SEMA4B: variants seen among roughly 807,000 people sequenced by gnomAD.
SEMA4B encodes the protein semaphorin-4B.
In SEMA4B, 55 loss-of-function variants were observed where a neutral mutation model predicts 88.1. The observed-to-expected ratio is 0.62, with a 90% CI of 0.50 to 0.78. SEMA4B has a LOEUF of 0.78. Ranked by LOEUF, SEMA4B falls within the 30% of genes least tolerant of loss-of-function variation. The pLI is 0.00. For synonymous variants in SEMA4B, 525 were observed against 473.6 expected (o/e 1.11, Z -1.41); for missense variants, 1,062 against 1,111.9 (o/e 0.96, Z 0.64).
intron 1 of SEMA4B, among the ~76,000 whole-genome samples, chr15:90,192,586 C>CTTTTTTTTTTT (rs67328606): frequency 2.3e-5 from 2 of 88,668 alleles, no homozygotes; most frequent in African/African-American, 9.2e-5. Flanking sequence ...TCCCTTGTAG[C>CTTTTTTTTTTT]TTTTTTTTTT....
rs570266196 is a variant in SEMA4B, at chr15:90,201,548, G to A, written c.-31G>A. 40 of 1,429,694 alleles carry A rather than the reference G, an allele frequency of 2.8e-5. No homozygotes were observed. In the African/African-American group the frequency reaches 5.9e-4, roughly 21 times the overall value. The allele number at this position is 1,429,694 out of a possible 1,614,324, so 88.6% of individuals were successfully genotyped here. ...GTCCGGCCGAGCCACCTGAGCCCGAGCCGCGGGACACCGTCGCTCCTGCTC... is the reference window on the plus strand; with the variant it reads ...GTCCGGCCGAGCCACCTGAGCCCGAACCGCGGGACACCGTCGCTCCTGCTC... On this transcript the variant is annotated 5_prime_UTR_variant, in exon 1 of 14. Transcript: ENST00000411539.
At chr15:90,195,943 C>T (rs1477421466) in intron 1 of SEMA4B, among the ~76,000 whole-genome samples, 5 of 46,470 alleles carry the variant, frequency 1.1e-4, no homozygotes, top group Middle Eastern at 0.015. Context: ...TTTTTCGAGA[C>T]GGAGTCTCGC....
At chr15:90,214,919 C>T (rs10083685) in intron 1 of SEMA4B, 87,710 of 1,190,884 alleles carry the variant, frequency 0.074, 3,688 homozygotes, top group South Asian at 0.096. Flanking sequence ...CATGTCTCCC[C>T]ACCCTTTATG....
rs757476598 is a variant in SEMA4B at position 90,219,788 on chromosome 15, C to G, written c.385-5C>G. On this transcript the variant is annotated splice_polypyrimidine_tract_variant and splice_region_variant and intron_variant, in intron 3 of 13. Coordinates refer to ENST00000411539, the MANE Select transcript of SEMA4B (RefSeq NM_198925.4). The stretch of plus-strand genomic sequence containing the variant: ...GACTGATATCCCCTCGCTCCTTCCC[C>G]CCAGCGCGACTGTCAAAACTACATC... 1.2e-6 allele frequency: 2 copies of G among 1,611,832 alleles called. No homozygotes were observed. Among genetic ancestry groups the G allele is most frequent in the African/African-American group, 2.7e-5 (2 of 74,888 alleles).
At chr15:90,186,667 G>A (rs1188630351) in intron 1 of SEMA4B, among the ~76,000 whole-genome samples, 1 of 152,084 alleles carries the variant, frequency 6.6e-6, no homozygotes, top group Non-Finnish European at 1.5e-5. Context: ...GCCAGGCACG[G>A]TGGCTCACGC....
chr15:90,212,708 G>C lies in SEMA4B; in HGVS notation c.158-4731G>C, dbSNP rs1357732469. Reference sequence around the variant, plus strand: ...GCAGGGTCCTTCACAGACGTCTGCAGTCACTCTGGAGGTGACCCAAGCACC... The same window carrying C: ...GCAGGGTCCTTCACAGACGTCTGCACTCACTCTGGAGGTGACCCAAGCACC... On this transcript the variant is annotated intron_variant, in intron 1 of 13. Coordinates refer to ENST00000411539, the MANE Select transcript of SEMA4B (RefSeq NM_198925.4). The surrounding 1 kb of genome is among the most constrained non-coding windows in gnomAD (Gnocchi z 4.0). Among the ~76,000 whole-genome samples the C allele has an allele frequency of 1.3e-5, 2 of 152,116 alleles. No individual in the cohort carries two copies. Among genetic ancestry groups the C allele is most frequent in the Non-Finnish European group, 2.9e-5 (2 of 68,026 alleles).
rs1317076455 is a variant in SEMA4B at position 90,228,745 on chromosome 15, C to T, written c.*102C>T. 32 of 1,482,700 alleles carry T rather than the reference C, an allele frequency of 2.2e-5. 1 individual carries two copies. The highest frequency in any genetic ancestry group is 5.7e-5 in the Admixed American group (3 of 52,706). The allele number at this position is 1,482,700 out of a possible 1,614,324, so 91.8% of individuals were successfully genotyped here. A position where few individuals can be genotyped will look rare whatever the true frequency, so the allele number is the denominator to read the frequency against. ...CGCTCTGCTCTTCGTGGAACACGAC[C>T]GTGGTGCCCGGCCCTTGGGAGCCTT... is the stretch of plus-strand genomic sequence containing the variant. On this transcript the variant is annotated 3_prime_UTR_variant, in exon 14 of 14. Coordinates refer to ENST00000411539, the MANE Select transcript of SEMA4B (RefSeq NM_198925.4).
intron 1 of SEMA4B, among the ~76,000 whole-genome samples, chr15:90,208,752 C>CTT (rs66461937): frequency 0.1 from 14,430 of 144,088 alleles, 972 homozygotes; most frequent in Admixed American, 0.18. Context: ...TTTTCTTTTT[C>CTT]TTTTTTTTTT....
intron 1 of SEMA4B, among the ~76,000 whole-genome samples, chr15:90,196,319 T>C (rs1329919670): frequency 1.3e-5 from 2 of 152,094 alleles, no homozygotes; most frequent in Non-Finnish European, 2.9e-5. Flanking sequence ...TTGGTTAAGA[T>C]TGAGGCCCCG....
In SEMA4B at chr15:90,201,504, G is replaced by A. The variant is rs1237838318; in HGVS notation, c.-75G>A. 5.3e-6 allele frequency: 7 copies of A among 1,318,900 alleles called. No individual in the cohort carries two copies. The highest frequency in any genetic ancestry group is 4.2e-5 in the Admixed American group (1 of 23,948). 81.7% of individuals were successfully genotyped at this position (1,318,900 alleles called of 1,614,324 possible). A position where few individuals can be genotyped will look rare whatever the true frequency, so the allele number is the denominator to read the frequency against. ...GGGCGACTCGGGGGCGGACCGCGGG[G>A]CGGAGCTGCCGCCCGTGAGTCCGGC... On this transcript the variant is annotated 5_prime_UTR_variant, in exon 1 of 14. Transcript: ENST00000411539.
At chr15:90,190,278 G>T (rs553362899) in intron 1 of SEMA4B, 1 of 152,434 alleles carries the variant, frequency 6.6e-6, no homozygotes, top group Admixed American at 6.5e-5. Flanking sequence ...ACTGCCACAG[G>T]TGGTGCATTC....
In SEMA4B at chr15:90,229,459, T is replaced by C. The variant is rs1962393080; in HGVS notation, c.*816T>C. On this transcript the variant is annotated 3_prime_UTR_variant, in exon 14 of 14. Transcript: ENST00000411539. ...CACCATATCCACCCTCGCTCCATCT[T>C]TGAACTCAAACACGAGGAACTAACT... 2 of 453,356 alleles carry C rather than the reference T, an allele frequency of 4.4e-6. No individual in the cohort carries two copies. Among genetic ancestry groups the C allele is most frequent in the South Asian group, 3.1e-5 (2 of 64,066 alleles). 28.1% of individuals were successfully genotyped at this position (453,356 alleles called of 1,614,324 possible).
chr15:90,213,600 G>T (rs1301330091), intron 1 of SEMA4B, among the ~76,000 whole-genome samples: 2 of 152,248 alleles, frequency 1.3e-5, no homozygotes, highest in Non-Finnish European at 2.9e-5. Flanking sequence ...CCAGGCGTAA[G>T]TGGGATTGAG....
chr15:90,211,260 G>C (rs576291031), intron 1 of SEMA4B, among the ~76,000 whole-genome samples: 7 of 152,328 alleles, frequency 4.6e-5, no homozygotes, highest in African/African-American at 1.4e-4. Context: ...CCTAGGTCGG[G>C]ACTGGGACTG....
chr15:90,219,772 C>T, intron 3 of SEMA4B, 21 bp from the exon 4 acceptor site: 2 of 1,596,742 alleles, frequency 1.3e-6, no homozygotes, highest in Non-Finnish European at 1.7e-6. Flanking sequence ...GGACTGATAT[C>T]CCCTCGCTCC....
intron 3 of SEMA4B, among the ~76,000 whole-genome samples, chr15:90,218,806 A>G (rs56866288): frequency 0.14 from 21,262 of 152,168 alleles, 2,562 homozygotes; most frequent in East Asian, 0.62. Flanking sequence ...ACAGAATGAG[A>G]CTGTGTTTCA....
Position 90,227,902 on chromosome 15 carries a change from A to T in SEMA4B, c.1775-2A>T, listed in dbSNP as rs1962254405. The T allele has an allele frequency of 6.2e-7, 1 of 1,610,692 alleles. No individual in the cohort carries two copies. The highest frequency in any genetic ancestry group is 8.5e-7 in the Non-Finnish European group (1 of 1,179,806). The stretch of plus-strand genomic sequence containing the variant: ...CCTACCCCATGCCTTTTCTGCCTAC[A>T]GGGGAGAAGCCATGTGAGCAAGTCC... On this transcript the variant is annotated splice_acceptor_variant, in intron 13 of 13. Transcript: ENST00000411539. LOFTEE classifies it high-confidence loss of function.
chr15:90,197,558 C>A (rs1420994319), upstream of SEMA4B, among the ~76,000 whole-genome samples: 1 of 151,886 alleles, frequency 6.6e-6, no homozygotes, highest in East Asian at 2.0e-4. Flanking sequence ...CTGCCTCAGC[C>A]TCCCGAGTAG....
chr15:90,228,019 T>G lies in SEMA4B; in HGVS notation c.1890T>G (p.Asn630Lys). 1 of 1,613,888 alleles carries G rather than the reference T, an allele frequency of 6.2e-7. No homozygotes were observed. The highest frequency in any genetic ancestry group is 8.5e-7 in the Non-Finnish European group (1 of 1,179,862). The stretch of plus-strand genomic sequence containing the variant: ...GGCTACGCAACGGGGCCCCCGTCAA[T>G]GCCTCGGCCTCCTGCCACGTGCTAC... ...RLWLRNGAPV[N>K]ASASCHVLPT... The change falls in exon 14 of 14, where the codon AAT becomes AAG. Residue 630 changes from asparagine (N) to lysine (K), a missense_variant. Physicochemically the swap from Asn to Lys is moderately conservative, Grantham distance 94 (BLOSUM62 0). Coordinates refer to ENST00000411539, the MANE Select transcript of SEMA4B (RefSeq NM_198925.4).
Sources: gnomAD v4.1 joint callset for allele counts (sites outside exome capture counted in the v4.1 genomes callset) on GRCh38, gnomAD v4.1.1 for gene constraint, Gnocchi (gnomAD v3.1) non-coding constraint, MANE v1.5 for transcripts, NCBI Gene and HGNC (gene_info 2026-07-23, HGNC 2026-07-21) for gene names.